The following WDR53 variants were observed in gnomAD, a reference collection of about 807,000 sequenced individuals.
The protein encoded by WDR53 is WD repeat domain 53.
Under a neutral mutation model 21.3 loss-of-function variants are expected in WDR53, and 19 were observed. The ratio of observed to expected loss-of-function variants is 0.89; its 90% CI spans 0.62 to 1.31. The LOEUF (loss-of-function observed/expected upper bound fraction) is 1.31. WDR53 is among the 50% of genes most tolerant of loss of function. The pLI, the probability that WDR53 is intolerant of heterozygous loss-of-function variation, is 0.00. For missense variants in WDR53, 374 were observed against 423.2 expected, an observed-to-expected ratio of 0.88 and a Z score of 1.02; for synonymous variants, 157 against 163.4, an observed-to-expected ratio of 0.96 and a Z score of 0.30.
chr3:196,556,548 C>T lies in WDR53; in HGVS notation c.481-1741G>A, dbSNP rs188540182. 4.1e-3 allele frequency among the ~76,000 whole-genome samples: 620 copies of T among 151,302 alleles called. 6 individuals carry two copies. Among genetic ancestry groups the T allele is most frequent in the African/African-American group, 0.014 (592 of 41,214 alleles). On this transcript the variant is annotated intron_variant, in intron 3 of 3. Coordinates refer to ENST00000332629, the MANE Select transcript of WDR53 (RefSeq NM_182627.3). Reference sequence around the variant, plus strand: ...GTGGGCGCCTGTAGTCCCAGCTACTCGGGAGGCTGAGGCAGGAGAATGGCG... The same window carrying T: ...GTGGGCGCCTGTAGTCCCAGCTACTTGGGAGGCTGAGGCAGGAGAATGGCG...
chr3:196,561,603 TTAAAAAAACTCAATTAATTAAA>T, intron 2 of WDR53, 112 bp from the exon 3 acceptor site: 1 of 1,131,144 alleles, frequency 8.8e-7, no homozygotes, highest in Non-Finnish European at 1.2e-6. Context: ...AAAATACATC[TTAAAAAAACTCAATTAATTAAA>T]AAAAAAAAAG....
intron 2 of WDR53, among the ~76,000 whole-genome samples, chr3:196,564,591 G>A (rs1030361762): frequency 4.0e-5 from 6 of 151,476 alleles, no homozygotes; most frequent in Non-Finnish European, 7.4e-5. Flanking sequence ...TTGAACTCCT[G>A]GGCTCAAGTG....
intron 3 of WDR53, among the ~76,000 whole-genome samples, chr3:196,557,616 G>C (rs1734446572): frequency 6.6e-6 from 1 of 152,060 alleles, no homozygotes; most frequent in South Asian, 2.1e-4. Flanking sequence ...AATCCAGAAA[G>C]AACAACAAAC....
chr3:196,567,726 G>A (rs1009407672), intron 1 of WDR53, among the ~76,000 whole-genome samples: 9 of 149,978 alleles, frequency 6.0e-5, no homozygotes, highest in African/African-American at 2.2e-4. Context: ...GGAAATCGTA[G>A]TATAATCAAA....
intron 1 of WDR53, 92 bp from the exon 2 acceptor site, chr3:196,567,399 C>G (rs886286660): frequency 1.6e-5 from 6 of 364,202 alleles, no homozygotes; most frequent in Non-Finnish European, 2.7e-5. Context: ...CACCATGAAT[C>G]AGAGGGTAGG....
At chr3:196,562,722 A>G (rs1207706819) in intron 2 of WDR53, among the ~76,000 whole-genome samples, 1 of 152,214 alleles carries the variant, frequency 6.6e-6, no homozygotes, top group Non-Finnish European at 1.5e-5. Context: ...ATCTCAAAAC[A>G]ACCCTTTTGA....
chr3:196,554,875 T>G, intron 3 of WDR53, 68 bp from the exon 4 acceptor site: 1 of 1,300,834 alleles, frequency 7.7e-7, no homozygotes, highest in Non-Finnish European at 1.1e-6. Context: ...TCATGCTTAT[T>G]CAGCTTCTAA....
rs764958630 is a variant in WDR53 at position 196,567,194 on chromosome 3, C to A, written c.-334G>T. 4.4e-6 allele frequency: 2 copies of A among 457,308 alleles called. No homozygotes were observed. The highest frequency in any genetic ancestry group is 1.5e-5 in the South Asian group (1 of 64,572). 28.3% of individuals were successfully genotyped at this position (457,308 alleles called of 1,614,324 possible). A position where few individuals can be genotyped will look rare whatever the true frequency, so the allele number is the denominator to read the frequency against. ...GAAATTAGTGAGAGACAGTCACCAT[C>A]ACCAGAGTCAGCACAGGTCAACTTT... On this transcript the variant is annotated 5_prime_UTR_variant, in exon 2 of 4. Transcript: ENST00000332629.
Position 196,561,138 on chromosome 3 carries a change from T to G in WDR53, c.338A>C (p.Asp113Ala), listed in dbSNP as rs764059189. Residue 113 changes from aspartate to alanine, a missense_variant, in exon 3 of 4, where the codon GAC becomes GCC. Coordinates refer to ENST00000332629, the MANE Select transcript of WDR53 (RefSeq NM_182627.3). ...NQTENLLASA[D>A]DSGAIKILDL... ...TAGGATTTTGATTGCCCCAGAGTCG[T>G]CAGCAGAAGCCAGCAGGTTTTCCGT... 6.2e-7 allele frequency: 1 copy of G among 1,614,118 alleles called. No individual in the cohort carries two copies. Among genetic ancestry groups the G allele is most frequent in the Non-Finnish European group, 8.5e-7 (1 of 1,180,050 alleles).
chr3:196,557,901 C>T (rs546761579), intron 3 of WDR53, among the ~76,000 whole-genome samples: 1 of 151,668 alleles, frequency 6.6e-6, no homozygotes, highest in Non-Finnish European at 1.5e-5. Flanking sequence ...TCTCAGCCCC[C>T]CAAGTAGCTG....
At chr3:196,568,498 C>G (rs539958110) in intron 1 of WDR53, 21 bp downstream of exon 1, 1 of 152,606 alleles carries the variant, frequency 6.6e-6, no homozygotes, top group Non-Finnish European at 1.5e-5. Context: ...AGCATCGAAG[C>G]CACCGGCGCC....
chr3:196,562,400 A>T (rs1474507811), intron 2 of WDR53, among the ~76,000 whole-genome samples: 2 of 152,072 alleles, frequency 1.3e-5, no homozygotes, highest in Non-Finnish European at 2.9e-5. Context: ...TAGCTGAGAT[A>T]ACAGGCACCC....
At chr3:196,566,126 G>A (rs1008994964) in intron 2 of WDR53, among the ~76,000 whole-genome samples, 1 of 151,856 alleles carries the variant, frequency 6.6e-6, no homozygotes, top group Admixed American at 6.6e-5. Context: ...ATCTCCCTCT[G>A]TTACCCATAC....
intron 1 of WDR53, among the ~76,000 whole-genome samples, chr3:196,567,750 C>CG (rs1386878798): frequency 3.1e-4 from 18 of 57,420 alleles, no homozygotes; most frequent in African/African-American, 5.5e-4. Flanking sequence ...TGCTGAAATT[C>CG]TTGTGTGTGT....
intron 3 of WDR53, among the ~76,000 whole-genome samples, chr3:196,555,533 GT>G (rs1311572454): frequency 2.0e-5 from 3 of 151,518 alleles, no homozygotes; most frequent in South Asian, 2.1e-4. Flanking sequence ...GGTGCTTTTT[GT>G]TTTTTTTAAA....
chr3:196,557,236 C>G (rs192412723), intron 3 of WDR53, among the ~76,000 whole-genome samples: 1 of 152,194 alleles, frequency 6.6e-6, no homozygotes, highest in Non-Finnish European at 1.5e-5. Flanking sequence ...ATAAAAGACT[C>G]GTCTTCAAGA....
intron 2 of WDR53, among the ~76,000 whole-genome samples, chr3:196,564,894 A>G (rs1316733755): frequency 6.6e-6 from 1 of 152,196 alleles, no homozygotes; most frequent in Non-Finnish European, 1.5e-5. Flanking sequence ...ATCTACCCAC[A>G]GGAGAGCCAA....
chr3:196,559,607 A>C (rs1016203692), intron 3 of WDR53, among the ~76,000 whole-genome samples: 1 of 152,192 alleles, frequency 6.6e-6, no homozygotes, highest in Admixed American at 6.5e-5. Context: ...ATGCTATTAA[A>C]AAGAACATGG....
intron 2 of WDR53, among the ~76,000 whole-genome samples, chr3:196,565,203 G>C (rs1256878056): frequency 6.9e-6 from 1 of 145,100 alleles, no homozygotes; most frequent in Non-Finnish European, 1.5e-5. Context: ...AAATCACATA[G>C]ATAATATTTA....
Sources: allele counts gnomAD v4.1 joint callset (sites outside exome capture counted in the v4.1 genomes callset), GRCh38; gene constraint gnomAD v4.1.1; transcripts MANE v1.5; gene names NCBI Gene and HGNC (gene_info 2026-07-23, HGNC 2026-07-21).